Variants in RBFOX1 observed in about 807,000 individuals in gnomAD.
RBFOX1 encodes the protein RNA binding fox-1 homolog 1.
A neutral mutation model predicts 57.7 loss-of-function variants in RBFOX1; 8 were observed. The observed-to-expected ratio is 0.14, with a 90% CI of 0.08 to 0.25. RBFOX1 has a LOEUF of 0.25. RBFOX1 is among the 10% of genes least tolerant of loss of function. The probability of loss-of-function intolerance (pLI) is 1.00; values close to 1 mark genes in which losing one functional copy is unlikely to be tolerated. For missense variants in RBFOX1, 611 were observed against 548.5 expected (o/e 1.11, Z -1.14); for synonymous variants, 326 against 222.4 (o/e 1.47, Z -4.15).
intron 1 of RBFOX1, among the ~76,000 whole-genome samples, chr16:5,264,260 C>G (rs1162564279): frequency 1.3e-5 from 2 of 152,068 alleles, no homozygotes; most frequent in Admixed American, 6.6e-5. Context: ...TAGAATCAAG[C>G]TATAAAGAGC....
chr16:7,689,437 G>T (rs772029261), intron 14 of RBFOX1, among the ~76,000 whole-genome samples: 4 of 152,096 alleles, frequency 2.6e-5, no homozygotes, highest in Non-Finnish European at 4.4e-5. Context: ...CCTCACAGCA[G>T]AATCTGCTAC....
Position 6,243,437 on chromosome 16 carries a change from C to T in RBFOX1, c.-126-73558C>T, listed in dbSNP as rs541933303. On this transcript the variant is annotated intron_variant, in intron 1 of 15. Transcript: ENST00000550418. Reference sequence around the variant, plus strand: ...AAGTGCACTTACAGTCATGGTGCTGCTGTTTAAGCTTACGGTTTATGAGGA... The same window carrying T: ...AAGTGCACTTACAGTCATGGTGCTGTTGTTTAAGCTTACGGTTTATGAGGA... Among the ~76,000 whole-genome samples, 9 of 152,308 alleles carry T rather than the reference C, an allele frequency of 5.9e-5. No individual in the cohort carries two copies. In the South Asian group the frequency reaches 1.7e-3, roughly 28 times the overall value.
intron 1 of RBFOX1, among the ~76,000 whole-genome samples, chr16:6,269,120 A>G (rs561154534): frequency 6.6e-6 from 1 of 152,342 alleles, no homozygotes; most frequent in Non-Finnish European, 1.5e-5. Context: ...AAGAGGGACA[A>G]CAACAATAAG....
intron 3 of RBFOX1, among the ~76,000 whole-genome samples, chr16:6,959,712 G>A (rs568683995): frequency 2.0e-5 from 3 of 152,186 alleles, no homozygotes; most frequent in South Asian, 4.1e-4. Context: ...TGAGGTAGGC[G>A]GATCACCTGA....
chr16:7,139,640 G>A (rs746258960), intron 4 of RBFOX1, among the ~76,000 whole-genome samples: 5 of 152,128 alleles, frequency 3.3e-5, no homozygotes, highest in African/African-American at 4.8e-5. Context: ...GTCCACCCTC[G>A]ACAGTTTCAG....
intron 4 of RBFOX1, among the ~76,000 whole-genome samples, chr16:7,473,178 A>C (rs2061910825): frequency 6.6e-6 from 1 of 152,054 alleles, no homozygotes; most frequent in African/African-American, 2.4e-5. Context: ...CAGGAGTTTG[A>C]GACCAGCCTG....
intron 3 of RBFOX1, among the ~76,000 whole-genome samples, chr16:6,662,908 A>G (rs776757983): frequency 1.9e-4 from 29 of 152,222 alleles, no homozygotes; most frequent in Non-Finnish European, 1.8e-4. Flanking sequence ...ATTTATTGAG[A>G]ACAGAAACAA....
intron 3 of RBFOX1, among the ~76,000 whole-genome samples, chr16:6,840,566 G>T (rs1031725013): frequency 6.6e-6 from 1 of 152,070 alleles, no homozygotes; most frequent in Non-Finnish European, 1.5e-5. Flanking sequence ...ATAGAGCATA[G>T]CCCTCATGAA....
intron 1 of RBFOX1, among the ~76,000 whole-genome samples, chr16:5,410,596 C>A (rs966618807): frequency 1.3e-5 from 2 of 152,176 alleles, no homozygotes; most frequent in Non-Finnish European, 1.5e-5. Context: ...TGTAGCTTGT[C>A]ACTCAAGGTC....
At chr16:7,418,352 C>G (rs2098504803) in intron 4 of RBFOX1, among the ~76,000 whole-genome samples, 1 of 152,198 alleles carries the variant, frequency 6.6e-6, no homozygotes, top group South Asian at 2.1e-4. Flanking sequence ...CAAAGCATCT[C>G]CTGGTGTCTT....
intron 2 of RBFOX1, among the ~76,000 whole-genome samples, chr16:6,513,595 A>C (rs1474823881): frequency 6.6e-6 from 1 of 152,116 alleles, no homozygotes; most frequent in East Asian, 1.9e-4. Context: ...TTAGCTGGGC[A>C]GGGTGGCACA....
At chr16:7,160,376 C>T (rs1489248613) in intron 4 of RBFOX1, among the ~76,000 whole-genome samples, 1 of 152,064 alleles carries the variant, frequency 6.6e-6, no homozygotes, top group Non-Finnish European at 1.5e-5. Context: ...GACTTTGTTT[C>T]TTCTTCTCTT....
chr16:7,016,480 T>C (rs1254176353), intron 3 of RBFOX1, among the ~76,000 whole-genome samples: 1 of 152,170 alleles, frequency 6.6e-6, no homozygotes. Context: ...CCTAAGTCAC[T>C]GAACTGCCGT....
chr16:6,791,234 C>A (rs1277924904), intron 3 of RBFOX1, among the ~76,000 whole-genome samples: 1 of 152,118 alleles, frequency 6.6e-6, no homozygotes, highest in African/African-American at 2.4e-5. Context: ...ATAGAGTTGG[C>A]AGAAGATGCT....
intron 4 of RBFOX1, among the ~76,000 whole-genome samples, chr16:5,875,355 T>C (rs917039593): frequency 6.6e-6 from 1 of 152,170 alleles, no homozygotes; most frequent in African/African-American, 2.4e-5. Flanking sequence ...CTGTCTCCAC[T>C]AGGAACAGCA....
Position 6,706,170 on chromosome 16 carries a change from T to C in RBFOX1, c.-16+51520T>C, listed in dbSNP as rs1484885484. 3.3e-5 allele frequency among the ~76,000 whole-genome samples: 5 copies of C among 152,288 alleles called. No homozygotes were observed. The East Asian group carries it at 9.7e-4, about 29-fold the overall frequency. On this transcript the variant is annotated intron_variant, in intron 3 of 15. Coordinates refer to ENST00000550418, the MANE Select transcript of RBFOX1 (RefSeq NM_018723.4). ...TGTCAGGGTTTGTGTTGAAAACTTTTTACTGCTCCCGTGAATAGGTAAGCC... is the reference window on the plus strand; with the variant it reads ...TGTCAGGGTTTGTGTTGAAAACTTTCTACTGCTCCCGTGAATAGGTAAGCC...
At chr16:5,466,527 G>T (rs2068959285) in intron 1 of RBFOX1, among the ~76,000 whole-genome samples, 1 of 152,170 alleles carries the variant, frequency 6.6e-6, no homozygotes, top group Non-Finnish European at 1.5e-5. Context: ...AGGCAGCTAG[G>T]GTTTCTGTGT....
chr16:6,026,272 G>A (rs374314492), intron 1 of RBFOX1, among the ~76,000 whole-genome samples: 38 of 152,218 alleles, frequency 2.5e-4, no homozygotes, highest in African/African-American at 4.3e-4. Flanking sequence ...AGCATCTAGC[G>A]TGGTGCAAGG....
chr16:7,229,613 A>AAGGAGC (rs2093360310), intron 4 of RBFOX1, among the ~76,000 whole-genome samples: 1 of 90,558 alleles, frequency 1.1e-5, no homozygotes, highest in African/African-American at 5.3e-5. Flanking sequence ...AAGGAAGGAG[A>AAGGAGC]AGAAAGATGG....
Sources: allele counts gnomAD v4.1 joint callset (sites outside exome capture counted in the v4.1 genomes callset), GRCh38; gene constraint gnomAD v4.1.1; transcripts MANE v1.5; gene names NCBI Gene and HGNC (gene_info 2026-07-23, HGNC 2026-07-21).